The following MOB4 variants were observed in gnomAD, a reference collection of about 807,000 sequenced individuals.
The protein encoded by MOB4 is MOB family member 4, phocein.
Under a neutral mutation model 32.2 loss-of-function variants are expected in MOB4, and 4 were observed. The observed-to-expected ratio is 0.12, with a 90% confidence interval of 0.06 to 0.28. MOB4 has a LOEUF of 0.28. Ranked by LOEUF, MOB4 falls within the 10% of genes least tolerant of loss-of-function variation. MOB4 has a pLI of 1.00. For missense variants in MOB4, 158 were observed against 271.2 expected (o/e 0.58, Z 2.93); for synonymous variants, 88 against 88.1 (o/e 1.00, Z 0.01).
intron 1 of MOB4, chr2:197,516,787 G>T (rs945682867): frequency 2.1e-6 from 1 of 469,776 alleles, no homozygotes; most frequent in African/African-American, 2.0e-5. Flanking sequence ...GTGAAGCATA[G>T]TCAGAGAATG....
At chr2:197,520,434 A>G (rs1054706042) in intron 1 of MOB4, among the ~76,000 whole-genome samples, 3 of 151,928 alleles carry the variant, frequency 2.0e-5, no homozygotes, top group African/African-American at 7.3e-5. Context: ...CCCGGCCTAA[A>G]CTTTATTCAT....
Position 197,551,788 on chromosome 2 carries a change from A to G in MOB4, c.*1142A>G, listed in dbSNP as rs1405065520. On this transcript the variant is annotated 3_prime_UTR_variant, in exon 8 of 8. Transcript: ENST00000323303. ...CATACATTTTTTTGGACTTTGTTATAATTCATTGTGGTAAGAATGATTGAA... is the reference window on the plus strand; with the variant it reads ...CATACATTTTTTTGGACTTTGTTATGATTCATTGTGGTAAGAATGATTGAA... The G allele has an allele frequency of 6.6e-6, 1 of 152,304 alleles. No individual in the cohort carries two copies. Among genetic ancestry groups the G allele is most frequent in the Non-Finnish European group, 1.5e-5 (1 of 68,008 alleles). 9.4% of individuals were successfully genotyped at this position (152,304 alleles called of 1,614,324 possible). A position where few individuals can be genotyped will look rare whatever the true frequency, so the allele number is the denominator to read the frequency against.
In MOB4 at chr2:197,523,793, A is replaced by G. The variant is rs1263369152; in HGVS notation, c.123+107A>G. 1.1e-5 allele frequency: 11 copies of G among 1,046,360 alleles called. No individual in the cohort carries two copies. The East Asian group carries it at 1.7e-4, about 16-fold the overall frequency. The allele number at this position is 1,046,360 out of a possible 1,614,324, so 64.8% of individuals were successfully genotyped here. A position where few individuals can be genotyped will look rare whatever the true frequency, so the allele number is the denominator to read the frequency against. On this transcript the variant is annotated intron_variant, in intron 2 of 7. Coordinates refer to ENST00000323303, the MANE Select transcript of MOB4 (RefSeq NM_015387.5). ...TCACTGTGCAGCAGTCTGCTTCCCA[A>G]TAAAGCGTGCTCTTTCACAAAACAA...
intron 1 of MOB4, among the ~76,000 whole-genome samples, chr2:197,519,005 G>A (rs2086467567): frequency 6.6e-6 from 1 of 151,882 alleles, no homozygotes; most frequent in South Asian, 2.1e-4. Context: ...TGATCCGCCC[G>A]TCTCGGCCTC....
Position 197,535,610 on chromosome 2 carries a change from G to A in MOB4, c.204G>A (p.Val68=), listed in dbSNP as rs2086784184. 1 of 1,612,104 alleles carries A rather than the reference G, an allele frequency of 6.2e-7. No homozygotes were observed. The highest frequency in any genetic ancestry group is 1.1e-5 in the South Asian group (1 of 90,458). The change falls in exon 3 of 8, where the codon GTG becomes GTA. Residue 68 remains valine, a synonymous_variant. Coordinates refer to ENST00000323303, the MANE Select transcript of MOB4 (RefSeq NM_015387.5). ...CACCTGAAGGCCAAGATGAAGGTGT[G>A]TGGAAGTATGAACATTTAAGGTAGG... ...LEPPEGQDEG[V]WKYEHLRQFC...
Position 197,551,802 on chromosome 2 carries a change from A to C in MOB4, c.*1156A>C, listed in dbSNP as rs566442046. 2 of 152,452 alleles carry C rather than the reference A, an allele frequency of 1.3e-5. No homozygotes were observed. Among genetic ancestry groups the C allele is most frequent in the East Asian group, 3.8e-4 (2 of 5,322 alleles). 9.4% of individuals were successfully genotyped at this position (152,452 alleles called of 1,614,324 possible). A position where few individuals can be genotyped will look rare whatever the true frequency, so the allele number is the denominator to read the frequency against. ...GACTTTGTTATAATTCATTGTGGTA[A>C]GAATGATTGAAATGCAGATTTAACA... On this transcript the variant is annotated 3_prime_UTR_variant, in exon 8 of 8. Coordinates refer to ENST00000323303, the MANE Select transcript of MOB4 (RefSeq NM_015387.5).
intron 1 of MOB4, among the ~76,000 whole-genome samples, chr2:197,518,432 G>T (rs2106100086): frequency 6.6e-6 from 1 of 150,710 alleles, no homozygotes; most frequent in East Asian, 2.0e-4. Context: ...ACCACGCCCA[G>T]CTAATTTTTT....
chr2:197,518,294 T>C (rs540383322), intron 1 of MOB4, among the ~76,000 whole-genome samples: 59 of 151,956 alleles, frequency 3.9e-4, no homozygotes, highest in African/African-American at 1.3e-3. Context: ...TGAGACAGAG[T>C]TTCTCTCTTG....
At chr2:197,530,882 A>G (rs1272994652) in intron 2 of MOB4, among the ~76,000 whole-genome samples, 1 of 151,922 alleles carries the variant, frequency 6.6e-6, no homozygotes, top group Non-Finnish European at 1.5e-5. Flanking sequence ...GACCTGAGCT[A>G]CCACACCTGG....
chr2:197,536,543 C>T (rs1276297518), intron 3 of MOB4, among the ~76,000 whole-genome samples: 1 of 150,676 alleles, frequency 6.6e-6, no homozygotes, highest in African/African-American at 2.4e-5. Context: ...CTCTTAACCG[C>T]TAATATAGTA....
chr2:197,541,097 T>C (rs1384471837), intron 5 of MOB4, among the ~76,000 whole-genome samples: 1 of 152,040 alleles, frequency 6.6e-6, no homozygotes, highest in East Asian at 1.9e-4. Context: ...GATGGGGTTT[T>C]GCTATATTGG....
chr2:197,515,927 C>CT (rs2086400262), upstream of MOB4: 1 of 695,520 alleles, frequency 1.4e-6, no homozygotes, highest in Non-Finnish European at 2.3e-6. Flanking sequence ...CTCCCTCCGC[C>CT]TAGCCCGCTT....
chr2:197,545,443 G>A (rs953914227), intron 5 of MOB4, among the ~76,000 whole-genome samples: 3 of 151,854 alleles, frequency 2.0e-5, no homozygotes, highest in Non-Finnish European at 4.4e-5. Context: ...GTGTAGTTTT[G>A]ATCTGCAGTT....
intron 1 of MOB4, among the ~76,000 whole-genome samples, chr2:197,518,156 A>C (rs963470435): frequency 2.0e-5 from 3 of 152,054 alleles, no homozygotes; most frequent in African/African-American, 7.2e-5. Flanking sequence ...AAACAAACAA[A>C]AAACTATAGG....
At chr2:197,534,410 G>T (rs1485596787) in intron 2 of MOB4, among the ~76,000 whole-genome samples, 1 of 151,510 alleles carries the variant, frequency 6.6e-6, no homozygotes, top group African/African-American at 2.4e-5. Context: ...TTTAAACTTA[G>T]TTTTTTCTGT....
intron 6 of MOB4, 33 bp from the exon 7 acceptor site, chr2:197,550,242 T>C (rs1203079764): frequency 1.3e-6 from 2 of 1,574,558 alleles, no homozygotes; most frequent in Non-Finnish European, 1.7e-6. Flanking sequence ...TCTATCCAGT[T>C]CTAAGAATCT....
intron 6 of MOB4, among the ~76,000 whole-genome samples, chr2:197,548,709 G>A (rs1402469783): frequency 1.3e-5 from 2 of 151,644 alleles, no homozygotes; most frequent in African/African-American, 4.8e-5. Flanking sequence ...TTTAGCTGTT[G>A]TATTTTGGCT....
At chr2:197,539,895 C>T (rs1177745795) in intron 3 of MOB4, among the ~76,000 whole-genome samples, 1 of 152,158 alleles carries the variant, frequency 6.6e-6, no homozygotes, top group Non-Finnish European at 1.5e-5. Context: ...GATCAGCTCA[C>T]TTAACTCTGG....
In MOB4 at chr2:197,551,504, A is replaced by G. The variant is rs756931653; in HGVS notation, c.*858A>G. Reference sequence around the variant, plus strand: ...AGCAATTACATTACACTACAAGAAAATGTATTTGCATAGGCTCTTGCTTAT... The same window carrying G: ...AGCAATTACATTACACTACAAGAAAGTGTATTTGCATAGGCTCTTGCTTAT... On this transcript the variant is annotated 3_prime_UTR_variant, in exon 8 of 8. Transcript: ENST00000323303. The G allele has an allele frequency of 6.5e-6, 1 of 152,786 alleles. No homozygotes were observed. Among genetic ancestry groups the G allele is most frequent in the Non-Finnish European group, 1.5e-5 (1 of 68,024 alleles). The allele number at this position is 152,786 out of a possible 1,614,324, so 9.5% of individuals were successfully genotyped here.
Sources: gnomAD v4.1 joint callset for allele counts (sites outside exome capture counted in the v4.1 genomes callset) on GRCh38, gnomAD v4.1.1 for gene constraint, MANE v1.5 for transcripts, NCBI Gene and HGNC (gene_info 2026-07-23, HGNC 2026-07-21) for gene names.